The following ANKRD30B variants were observed in gnomAD, a reference collection of about 807,000 sequenced individuals.
ANKRD30B encodes ankyrin repeat domain-containing protein 30B.
In ANKRD30B, 144 loss-of-function variants were observed where a neutral mutation model predicts 202.2. The observed-to-expected ratio is 0.71, with a 90% CI of 0.62 to 0.82. The LOEUF (loss-of-function observed/expected upper bound fraction) is 0.82. Ranked by LOEUF, ANKRD30B falls within the 40% of genes least tolerant of loss-of-function variation. The probability of loss-of-function intolerance (pLI) is 0.00; values close to 1 mark genes in which losing one functional copy is unlikely to be tolerated. For missense variants in ANKRD30B, 1,487 were observed against 1,669.1 expected, an observed-to-expected ratio of 0.89 and a Z score of 1.90; for synonymous variants, 508 against 561.3, an observed-to-expected ratio of 0.91 and a Z score of 1.34.
intron 34 of ANKRD30B, 98 bp from the exon 35 acceptor site, chr18:14,837,113 G>A (rs577729302): frequency 4.1e-4 from 291 of 716,562 alleles, no homozygotes; most frequent in Non-Finnish European, 6.0e-4. Flanking sequence ...TGTTGTTGTT[G>A]TTTGTCTTTC....
At chr18:14,846,452 A>G (rs1971641649) in intron 39 of ANKRD30B, among the ~76,000 whole-genome samples, 1 of 151,718 alleles carries the variant, frequency 6.6e-6, no homozygotes, top group Admixed American at 6.6e-5. Context: ...CTTCTGAAGA[A>G]TGGTGTTAAG....
chr18:14,788,550 C>T (rs553656876), intron 15 of ANKRD30B, among the ~76,000 whole-genome samples: 2 of 152,172 alleles, frequency 1.3e-5, no homozygotes, highest in African/African-American at 2.4e-5. Flanking sequence ...CCCGCTCCCC[C>T]CACCCCACAA....
chr18:14,922,808 C>T, the ANKRD30B span, among the ~76,000 whole-genome samples: 2 of 152,154 alleles, frequency 1.3e-5, no homozygotes, highest in African/African-American at 2.4e-5. Flanking sequence ...GGAGTGCTTG[C>T]ACCACTCCTT....
intron 33 of ANKRD30B, among the ~76,000 whole-genome samples, chr18:14,829,265 A>G (rs1970800624): frequency 6.6e-6 from 1 of 152,166 alleles, no homozygotes; most frequent in Non-Finnish European, 1.5e-5. Context: ...AATATCCTGG[A>G]AAAATTGTTG....
chr18:14,806,361 G>T (rs867120887), intron 24 of ANKRD30B, among the ~76,000 whole-genome samples: 1 of 150,868 alleles, frequency 6.6e-6, no homozygotes, highest in Non-Finnish European at 1.5e-5. Flanking sequence ...CCTACTTCAC[G>T]CTATATTAGA....
Position 14,748,561 on chromosome 18 carries a change from C to T in ANKRD30B, c.142C>T (p.Arg48Trp), listed in dbSNP as rs755214301. 3.8e-5 allele frequency: 59 copies of T among 1,559,762 alleles called. No homozygotes were observed. The highest frequency in any genetic ancestry group is 4.8e-5 in the Non-Finnish European group (55 of 1,151,558). Residue 48 changes from arginine to tryptophan, a missense_variant, in exon 1 of 44, where the codon CGG (arginine) becomes TGG (tryptophan). Around this residue, in one of 6 missense-constraint regions of ANKRD30B, gnomAD observed 889 missense variants for 841.4 expected, o/e 1.06. Transcript: ENST00000690538. ...AGGGAAGATCCATACAGCTGCCTCC[C>T]GGGGCCAAGTCCAGAAGCTGGAGAA... is the stretch of plus-strand genomic sequence containing the variant. ...DLGKIHTAAS[R>W]GQVQKLEKMT...
At chr18:14,866,299 C>T in the ANKRD30B span, among the ~76,000 whole-genome samples, 1 of 152,104 alleles carries the variant, frequency 6.6e-6, no homozygotes, top group African/African-American at 2.4e-5. Flanking sequence ...ATGGTGGTGG[C>T]AACAGAGATG....
At position 14,822,681 on chromosome 18, in the gene ANKRD30B, A is replaced by C. The variant is rs2144120404; in HGVS notation, c.2743+4A>C. On this transcript the variant is annotated splice_donor_region_variant and intron_variant, in intron 32 of 43. Coordinates refer to ENST00000690538, the MANE Select transcript of ANKRD30B (RefSeq NM_001367607.2). ...GACAGAGAAACATTCAAAGCAGGTA[A>C]ATTTTGTAATTTTAATTTTACTGTG... is the stretch of plus-strand genomic sequence containing the variant. 7.6e-7 allele frequency: 1 copy of C among 1,311,204 alleles called. No individual in the cohort carries two copies. Among genetic ancestry groups the C allele is most frequent in the Middle Eastern group, 2.7e-4 (1 of 3,650 alleles). The allele number at this position is 1,311,204 out of a possible 1,614,324, so 81.2% of individuals were successfully genotyped here. A position where few individuals can be genotyped will look rare whatever the true frequency, so the allele number is the denominator to read the frequency against.
the ANKRD30B span, among the ~76,000 whole-genome samples, chr18:14,925,526 T>C: frequency 3.9e-5 from 6 of 152,260 alleles, no homozygotes; most frequent in Non-Finnish European, 7.3e-5. Flanking sequence ...TTCTAACTTA[T>C]TTTAACTTCC....
At position 14,777,853 on chromosome 18, in the gene ANKRD30B, G is replaced by A. The variant is rs562382018; in HGVS notation, c.1330-132G>A. 1.1e-4 allele frequency: 71 copies of A among 627,938 alleles called. No homozygotes were observed. The South Asian group carries it at 1.3e-3, about 12-fold the overall frequency. 38.9% of individuals were successfully genotyped at this position (627,938 alleles called of 1,614,324 possible). ...AGCTACTCAGGAGGCAGAAGGAGGAGAATCGCTTGAACCTGGGAGACAGAG... is the reference window on the plus strand; with the variant it reads ...AGCTACTCAGGAGGCAGAAGGAGGAAAATCGCTTGAACCTGGGAGACAGAG... On this transcript the variant is annotated intron_variant, in intron 9 of 43. Transcript: ENST00000690538.
the ANKRD30B span, among the ~76,000 whole-genome samples, chr18:14,866,235 A>G: frequency 6.6e-6 from 1 of 152,216 alleles, no homozygotes; most frequent in East Asian, 1.9e-4. Flanking sequence ...GAGGACCAGG[A>G]GAAGGGGGAG....
chr18:14,817,848 G>A (rs1041792198), intron 30 of ANKRD30B, among the ~76,000 whole-genome samples: 1 of 152,124 alleles, frequency 6.6e-6, no homozygotes, highest in African/African-American at 2.4e-5. Context: ...TTTAAAGTGT[G>A]TTGAATACAA....
chr18:14,854,071 C>T (rs1163753017), intron 43 of ANKRD30B, among the ~76,000 whole-genome samples, 121 bp from the exon 44 acceptor site: 1 of 152,152 alleles, frequency 6.6e-6, no homozygotes, highest in Non-Finnish European at 1.5e-5. Context: ...CTAATATCCA[C>T]AGGAAGACTT....
rs747844630 is a variant in ANKRD30B at position 14,757,869 on chromosome 18, T to G, written c.672T>G (p.Leu224=). 11 of 1,613,730 alleles carry G rather than the reference T, an allele frequency of 6.8e-6. No homozygotes were observed. In the East Asian group the frequency reaches 2.5e-4, roughly 36 times the overall value. Reference sequence around the variant, plus strand: ...GCTCATCAGAGATAGTCGGCATGCTTCTTCAGCAAAATGTTGACGTCTTTG... The same window carrying G: ...GCTCATCAGAGATAGTCGGCATGCTGCTTCAGCAAAATGTTGACGTCTTTG... ...CEGSSEIVGM[L]LQQNVDVFAE... is the part of the protein sequence containing the mutation. The change falls in exon 5 of 44, where the codon CTT becomes CTG. Residue 224 remains leucine, a synonymous_variant. Transcript: ENST00000690538.
the ANKRD30B span, among the ~76,000 whole-genome samples, chr18:14,882,967 C>T: frequency 6.4e-4 from 97 of 152,236 alleles, 1 homozygote; most frequent in African/African-American, 2.3e-3. Flanking sequence ...ATGCTTTTTT[C>T]TATTCCATAA....
At position 14,755,012 on chromosome 18, in the gene ANKRD30B, T is replaced by C. The variant is rs757143485; in HGVS notation, c.617+7T>C. ...CATTTAATGAGTCTAAATGGTATGG[T>C]AGTTCTTTTTTTTTACTAAAAAACA... is the stretch of plus-strand genomic sequence containing the variant. On this transcript the variant is annotated splice_region_variant and intron_variant, in intron 4 of 43. Coordinates refer to ENST00000690538, the MANE Select transcript of ANKRD30B (RefSeq NM_001367607.2). The C allele has an allele frequency of 1.5e-5, 22 of 1,430,042 alleles. 1 individual carries two copies. In the South Asian group the frequency reaches 3.2e-4, roughly 21 times the overall value. 88.6% of individuals were successfully genotyped at this position (1,430,042 alleles called of 1,614,324 possible).
intron 16 of ANKRD30B, among the ~76,000 whole-genome samples, chr18:14,793,197 A>G (rs1968640262): frequency 6.6e-6 from 1 of 152,036 alleles, no homozygotes; most frequent in Non-Finnish European, 1.5e-5. Context: ...TATATTTAGT[A>G]TTATGCTCCA....
chr18:14,758,787 T>G (rs1403736732), intron 5 of ANKRD30B, among the ~76,000 whole-genome samples: 3 of 152,190 alleles, frequency 2.0e-5, no homozygotes, highest in Non-Finnish European at 4.4e-5. Context: ...TTGTGAAAGT[T>G]TAAGACTGTA....
intron 30 of ANKRD30B, among the ~76,000 whole-genome samples, chr18:14,819,435 C>T (rs1289494414): frequency 1.3e-5 from 2 of 149,570 alleles, no homozygotes; most frequent in African/African-American, 4.9e-5. Flanking sequence ...GAAGTCCTTG[C>T]CCATGCCTAT....
Sources: allele counts gnomAD v4.1 joint callset (sites outside exome capture counted in the v4.1 genomes callset), GRCh38; gene constraint gnomAD v4.1.1; regional missense constraint gnomAD v4.1.1; transcripts MANE v1.5; gene names NCBI Gene and HGNC (gene_info 2026-07-23, HGNC 2026-07-21).